Variants in KCNQ3 observed in about 807,000 individuals in gnomAD.
KCNQ3 encodes the protein potassium voltage-gated channel subfamily KQT member 3.
KCNQ3 carries 30 observed loss-of-function variants against 92.5 expected under a neutral mutation model. The ratio of observed to expected loss-of-function variants is 0.32; its 90% CI spans 0.24 to 0.44. KCNQ3 has a LOEUF of 0.44. Ranked by LOEUF, KCNQ3 falls within the 20% of genes least tolerant of loss-of-function variation. The pLI is 1.00. For synonymous variants in KCNQ3, 450 were observed against 468.8 expected, an observed-to-expected ratio of 0.96 and a Z score of 0.52; for missense variants, 913 against 1,140.3, an observed-to-expected ratio of 0.80 and a Z score of 2.87.
chr8:132,366,738 T>C (rs888903744), intron 1 of KCNQ3, among the ~76,000 whole-genome samples: 1 of 152,234 alleles, frequency 6.6e-6, no homozygotes, highest in African/African-American at 2.4e-5. Context: ...GCTTGTTCTC[T>C]TTATATCAAT....
chr8:132,377,738 G>T (rs1819648814), intron 1 of KCNQ3, among the ~76,000 whole-genome samples: 1 of 152,210 alleles, frequency 6.6e-6, no homozygotes, highest in African/African-American at 2.4e-5. Context: ...AAATATGGTA[G>T]TCCTTGGAGC....
intron 1 of KCNQ3, among the ~76,000 whole-genome samples, chr8:132,299,852 A>G (rs574652963): frequency 2.1e-4 from 32 of 152,300 alleles, no homozygotes; most frequent in African/African-American, 7.2e-4. Context: ...AAGGTCACAG[A>G]CTTGCGCTCA....
At chr8:132,388,020 GGAA>G (rs1215552899) in intron 1 of KCNQ3, among the ~76,000 whole-genome samples, 132 of 141,750 alleles carry the variant, frequency 9.3e-4, no homozygotes, top group African/African-American at 2.9e-3. Context: ...AAGAGGAAGA[GGAA>G]GAAGAAGAAG....
At chr8:132,284,544 A>G (rs550473409) in intron 1 of KCNQ3, among the ~76,000 whole-genome samples, 1 of 152,020 alleles carries the variant, frequency 6.6e-6, no homozygotes, top group East Asian at 1.9e-4. Context: ...AGGAAAGGGG[A>G]GCAACTGTCA....
At chr8:132,363,337 A>C (rs1328927312) in intron 1 of KCNQ3, among the ~76,000 whole-genome samples, 1 of 151,130 alleles carries the variant, frequency 6.6e-6, no homozygotes, top group Non-Finnish European at 1.5e-5. Context: ...TAAATTATCC[A>C]AAAGATGGGT....
chr8:132,165,711 T>C (rs1027492449), intron 8 of KCNQ3, among the ~76,000 whole-genome samples: 5 of 152,224 alleles, frequency 3.3e-5, no homozygotes, highest in Admixed American at 2.6e-4. Flanking sequence ...TTCCCAGAGA[T>C]ACAATGCAAA....
At chr8:132,271,786 G>C (rs751919114) in intron 1 of KCNQ3, among the ~76,000 whole-genome samples, 1 of 152,188 alleles carries the variant, frequency 6.6e-6, no homozygotes, top group African/African-American at 2.4e-5. Flanking sequence ...TGGAAAGAAG[G>C]CTGAGTGATT....
In KCNQ3 at chr8:132,364,694, C is replaced by CGGACGGATGGAT. The variant is rs61064169; in HGVS notation, c.386+115452_386+115453insATCCATCCGTCC. 8.0e-3 allele frequency among the ~76,000 whole-genome samples: 1,107 copies of CGGACGGATGGAT among 138,010 alleles called. 9 individuals are homozygous for CGGACGGATGGAT. The highest frequency in any genetic ancestry group is 0.028 in the African/African-American group (1,061 of 38,456). The allele number at this position is 138,010 out of a possible 152,430, so 90.5% of individuals were successfully genotyped here. ...ATGGACGGACGGACGGACGGACGGA[C>CGGACGGATGGAT]GGATGGATGGATGGATGGATGGATG... On this transcript the variant is annotated intron_variant, in intron 1 of 14. Coordinates refer to ENST00000388996, the MANE Select transcript of KCNQ3 (RefSeq NM_004519.4).
At chr8:132,460,155 GGGAT>G (rs1164717217) in intron 1 of KCNQ3, among the ~76,000 whole-genome samples, 30 of 152,018 alleles carry the variant, frequency 2.0e-4, no homozygotes, top group African/African-American at 6.8e-4. Flanking sequence ...CATTTATTCA[GGGAT>G]CCCTGTATCC....
chr8:132,172,518 T>A, intron 7 of KCNQ3, 80 bp downstream of exon 7: 1 of 1,273,052 alleles, frequency 7.9e-7, no homozygotes, highest in Non-Finnish European at 1.1e-6. Context: ...TGTGCACACA[T>A]GCACACATAC....
Position 132,145,757 on chromosome 8 carries a change from T to G in KCNQ3, c.1263-4426A>C, listed in dbSNP as rs930369. On this transcript the variant is annotated intron_variant, in intron 9 of 14. Transcript: ENST00000388996. ...GAATGCAGTAATGAAGAATGGGAGG[T>G]TGACAGGTAGGGTGGCTCAGGAAGG... Among the ~76,000 whole-genome samples the G allele has an allele frequency of 1.3e-4, 20 of 152,026 alleles. No individual in the cohort carries two copies. The South Asian group carries it at 4.0e-3, about 30-fold the overall frequency.
chr8:132,151,453 T>C (rs1346287222), intron 9 of KCNQ3, among the ~76,000 whole-genome samples: 3 of 152,210 alleles, frequency 2.0e-5, no homozygotes, highest in Non-Finnish European at 2.9e-5. Flanking sequence ...GGTGGAAGGA[T>C]TGTAAAAATT....
intron 9 of KCNQ3, among the ~76,000 whole-genome samples, chr8:132,160,956 T>C (rs999656387): frequency 1.1e-4 from 17 of 152,214 alleles, no homozygotes; most frequent in African/African-American, 3.9e-4. Context: ...TGAGAAGGGA[T>C]GGGAGGGTGT....
intron 1 of KCNQ3, among the ~76,000 whole-genome samples, chr8:132,247,558 G>A (rs1174655287): frequency 5.3e-5 from 8 of 152,072 alleles, no homozygotes; most frequent in Non-Finnish European, 1.2e-4. Context: ...AGGTCGAGGT[G>A]GGCGGATCAC....
chr8:132,260,356 G>A (rs530120385), intron 1 of KCNQ3, among the ~76,000 whole-genome samples: 1 of 152,122 alleles, frequency 6.6e-6, no homozygotes, highest in East Asian at 1.9e-4. Context: ...TACTAAACAA[G>A]GTTCTACGTG....
chr8:132,474,633 C>G (rs75312931), intron 1 of KCNQ3, among the ~76,000 whole-genome samples: 1 of 152,102 alleles, frequency 6.6e-6, no homozygotes, highest in Non-Finnish European at 1.5e-5. Flanking sequence ...AACCAGAACC[C>G]TTACAGAATT....
chr8:132,345,399 G>A (rs759141015), intron 1 of KCNQ3, among the ~76,000 whole-genome samples: 10 of 152,192 alleles, frequency 6.6e-5, no homozygotes, highest in Non-Finnish European at 1.3e-4. Flanking sequence ...CAACTGGTAG[G>A]TAGTGAGAGC....
rs530722379 is a variant in KCNQ3 at position 132,462,290 on chromosome 8, C to A, written c.386+17857G>T. Among the ~76,000 whole-genome samples the A allele has an allele frequency of 3.4e-4, 51 of 152,142 alleles. No homozygotes were observed. In the East Asian group the frequency reaches 9.7e-3, roughly 29 times the overall value. ...CTCGGCTCACTGCAATCTCCGCCTC[C>A]TGGATTCTCATGCCTCAGCCACTCG... On this transcript the variant is annotated intron_variant, in intron 1 of 14. Transcript: ENST00000388996.
chr8:132,146,977 A>G (rs114176940), intron 9 of KCNQ3, among the ~76,000 whole-genome samples: 1,995 of 152,328 alleles, frequency 0.013, 40 homozygotes, highest in African/African-American at 0.044. Context: ...ACTCTTAAAA[A>G]TGGTTAAGAT....
Sources: allele counts gnomAD v4.1 joint callset (sites outside exome capture counted in the v4.1 genomes callset), GRCh38; gene constraint gnomAD v4.1.1; transcripts MANE v1.5; gene names NCBI Gene and HGNC (gene_info 2026-07-23, HGNC 2026-07-21).